Variants in KDM5A observed in about 807,000 individuals in gnomAD.
The protein encoded by KDM5A is lysine demethylase 5A.
In KDM5A, 42 loss-of-function variants were observed where a neutral mutation model predicts 193.5. That is an observed-to-expected ratio of 0.22 (90% CI 0.17 to 0.28). The LOEUF (loss-of-function observed/expected upper bound fraction) is 0.28. Ranked by LOEUF, KDM5A falls within the 10% of genes least tolerant of loss-of-function variation. The pLI is 1.00. For synonymous variants in KDM5A, 796 were observed against 718.1 expected, an observed-to-expected ratio of 1.11 and a Z score of -1.73; for missense variants, 1,692 against 2,055.1, an observed-to-expected ratio of 0.82 and a Z score of 3.42.
chr12:365,134 C>A (rs977776394), intron 4 of KDM5A, among the ~76,000 whole-genome samples: 1 of 152,078 alleles, frequency 6.6e-6, no homozygotes, highest in African/African-American at 2.4e-5. Context: ...CTTACTGCAA[C>A]CTCCATCTCC....
chr12:381,779 A>G (rs1366463574), intron 3 of KDM5A, among the ~76,000 whole-genome samples: 1 of 151,188 alleles, frequency 6.6e-6, no homozygotes, highest in African/African-American at 2.4e-5. Context: ...CTAATTTTAA[A>G]ATGTATCATA....
At chr12:294,195 TCA>T (rs1369786616) in intron 26 of KDM5A, among the ~76,000 whole-genome samples, 1 of 152,210 alleles carries the variant, frequency 6.6e-6, no homozygotes, top group Admixed American at 6.5e-5. Flanking sequence ...AAAAAAATTG[TCA>T]TTTTTGTTTT....
intron 9 of KDM5A, among the ~76,000 whole-genome samples, chr12:351,391 A>T (rs1466237592): frequency 6.6e-6 from 1 of 152,114 alleles, no homozygotes; most frequent in Non-Finnish European, 1.5e-5. Context: ...ACATGAACTT[A>T]TCCTTTTTTA....
chr12:352,853 A>C (rs755699002), intron 8 of KDM5A, among the ~76,000 whole-genome samples: 29 of 152,236 alleles, frequency 1.9e-4, no homozygotes, highest in Non-Finnish European at 4.1e-4. Flanking sequence ...GAGAATAGTA[A>C]ATAAGTGATA....
rs1944363339 is a variant in KDM5A, at chr12:366,903, A to G, written c.367-799T>C. ...AGTGCTCCCATAAGATTATAATACC[A>G]TATTCTTACTGAACCTTTGTGTTTA... On this transcript the variant is annotated intron_variant, in intron 3 of 27. Transcript: ENST00000399788. Among the ~76,000 whole-genome samples, 6 of 152,326 alleles carry G rather than the reference A, an allele frequency of 3.9e-5. No individual in the cohort carries two copies. The South Asian group carries it at 1.0e-3, about 26-fold the overall frequency.
chr12:306,956 T>C lies in KDM5A; in HGVS notation c.4064A>G (p.Tyr1355Cys), dbSNP rs779532290. ...TGTCCATGTAACTACCTTCATGTCG[T>C]AGCCATATGTCTCTCGAATGTCTTC... is the stretch of plus-strand genomic sequence containing the variant. ...SDEDIRETYGYDMKDTASVKS... is the reference protein window; with the variant it reads ...SDEDIRETYGCDMKDTASVKS... Residue 1355 changes from tyrosine to cysteine, a missense_variant, in exon 24 of 28, where the codon TAC becomes TGC. By Grantham distance (194) the Tyr-to-Cys change is radical. Coordinates refer to ENST00000399788, the MANE Select transcript of KDM5A (RefSeq NM_001042603.3). 6.2e-6 allele frequency: 10 copies of C among 1,613,930 alleles called. No homozygotes were observed. Among genetic ancestry groups the C allele is most frequent in the South Asian group, 1.1e-5 (1 of 91,064 alleles).
chr12:337,965 TA>T (rs1385631809), intron 10 of KDM5A, among the ~76,000 whole-genome samples: 1 of 152,166 alleles, frequency 6.6e-6, no homozygotes, highest in Non-Finnish European at 1.5e-5. Context: ...TTTAATTATG[TA>T]AAATTTCAAA....
chr12:313,246 T>A, intron 19 of KDM5A, 52 bp from the exon 20 acceptor site: 1 of 1,594,276 alleles, frequency 6.3e-7, no homozygotes, highest in Non-Finnish European at 8.6e-7. Context: ...AACATTTAAG[T>A]AACATTTCAG....
chr12:371,174 C>T (rs1476715035), intron 3 of KDM5A, among the ~76,000 whole-genome samples: 1 of 152,168 alleles, frequency 6.6e-6, no homozygotes, highest in Non-Finnish European at 1.5e-5. Context: ...AGTTCAAGAT[C>T]CTTGAGGAAT....
At position 307,226 on chromosome 12, in the gene KDM5A, A is replaced by AT; in HGVS notation, c.3931-138_3931-137insA. Reference sequence around the variant, plus strand: ...GTTCTTCAACAGTTAGTAGAAATCAAATTATTTGATTATGATGCCAAAGTC... The same window carrying AT: ...GTTCTTCAACAGTTAGTAGAAATCAATATTATTTGATTATGATGCCAAAGTC... On this transcript the variant is annotated intron_variant, in intron 23 of 27. Coordinates refer to ENST00000399788, the MANE Select transcript of KDM5A (RefSeq NM_001042603.3). The surrounding 1 kb of genome is among the most constrained non-coding windows in gnomAD (Gnocchi z 4.3). The AT allele has an allele frequency of 8.9e-7, 1 of 1,120,152 alleles. No individual in the cohort carries two copies. Among genetic ancestry groups the AT allele is most frequent in the Non-Finnish European group, 1.3e-6 (1 of 758,748 alleles). 69.4% of individuals were successfully genotyped at this position (1,120,152 alleles called of 1,614,324 possible).
intron 3 of KDM5A, among the ~76,000 whole-genome samples, chr12:367,955 G>A (rs575095725): frequency 1.3e-5 from 2 of 152,108 alleles, no homozygotes; most frequent in Non-Finnish European, 2.9e-5. Context: ...GAACTGAAAG[G>A]AGGGACTCAA....
chr12:347,276 G>C (rs1329145140), intron 10 of KDM5A, among the ~76,000 whole-genome samples: 1 of 152,136 alleles, frequency 6.6e-6, no homozygotes, highest in Non-Finnish European at 1.5e-5. Flanking sequence ...CACAGCAAAT[G>C]GAAGAATATT....
intron 27 of KDM5A, among the ~76,000 whole-genome samples, chr12:289,868 GAACA>G (rs1329938508): frequency 6.9e-6 from 1 of 143,942 alleles, no homozygotes; most frequent in East Asian, 2.2e-4. Flanking sequence ...GTATCTTAAA[GAACA>G]AACTGGGCTA....
intron 13 of KDM5A, among the ~76,000 whole-genome samples, chr12:330,054 AGTGTGT>A (rs148451707): frequency 7.6e-4 from 108 of 142,342 alleles, no homozygotes; most frequent in East Asian, 8.7e-4. Context: ...CAAAGGAAAA[AGTGTGT>A]GTGTGTGTGT....
intron 10 of KDM5A, among the ~76,000 whole-genome samples, 165 bp downstream of exon 10, chr12:350,456 A>T (rs1565542495): frequency 1.3e-5 from 2 of 151,740 alleles, no homozygotes; most frequent in Non-Finnish European, 2.9e-5. Context: ...AGAGTTAAAT[A>T]ATTTTTCAAA....
intron 3 of KDM5A, among the ~76,000 whole-genome samples, chr12:379,627 A>C (rs1408829627): frequency 6.6e-6 from 1 of 152,168 alleles, no homozygotes; most frequent in Non-Finnish European, 1.5e-5. Flanking sequence ...CTACAAATCA[A>C]AGTTTGTCTG....
intron 1 of KDM5A, chr12:387,341 T>G: frequency 3.9e-6 from 1 of 259,208 alleles, no homozygotes; most frequent in South Asian, 3.3e-5. Context: ...GAAAGCATTA[T>G]TTCAGCATTT....
At chr12:343,912 T>C (rs558723069) in intron 10 of KDM5A, among the ~76,000 whole-genome samples, 1 of 152,304 alleles carries the variant, frequency 6.6e-6, no homozygotes, top group South Asian at 2.1e-4. Flanking sequence ...GGATGGAGAA[T>C]GACTGATGAG....
At chr12:308,436 G>C (rs1288332494) in intron 22 of KDM5A, among the ~76,000 whole-genome samples, 1 of 152,118 alleles carries the variant, frequency 6.6e-6, no homozygotes, top group African/African-American at 2.4e-5. Context: ...CTTGCACAAG[G>C]TAAACACTCT....
Sources: gnomAD v4.1 joint callset for allele counts (sites outside exome capture counted in the v4.1 genomes callset) on GRCh38, gnomAD v4.1.1 for gene constraint, Gnocchi (gnomAD v3.1) non-coding constraint, MANE v1.5 for transcripts, NCBI Gene and HGNC (gene_info 2026-07-23, HGNC 2026-07-21) for gene names.